The following MAPK4 variants were observed in gnomAD, a reference collection of about 807,000 sequenced individuals.
The protein encoded by MAPK4 is mitogen-activated protein kinase 4.
A neutral mutation model predicts 47.7 loss-of-function variants in MAPK4; 22 were observed. That is an observed-to-expected ratio of 0.46 (90% CI 0.33 to 0.66). The LOEUF (loss-of-function observed/expected upper bound fraction) is 0.66, where lower values mean the gene tolerates loss of function less well. Among genes scored for constraint, MAPK4 ranks in the 30% least tolerant of loss-of-function variants. The pLI is 0.02. For synonymous variants in MAPK4, 390 were observed against 365.7 expected, an observed-to-expected ratio of 1.07 and a Z score of -0.76; for missense variants, 736 against 831.7, an observed-to-expected ratio of 0.88 and a Z score of 1.42.
intron 1 of MAPK4, among the ~76,000 whole-genome samples, chr18:50,613,678 A>G (rs538135385): frequency 6.6e-6 from 1 of 152,338 alleles, no homozygotes; most frequent in African/African-American, 2.4e-5. Context: ...TCTCAAAACA[A>G]TCCTTGTGTG....
intron 2 of MAPK4, among the ~76,000 whole-genome samples, chr18:50,685,882 C>T (rs1316405818): frequency 6.6e-6 from 1 of 151,304 alleles, no homozygotes; most frequent in Non-Finnish European, 1.5e-5. Context: ...TGGCACTGAT[C>T]TGCTGCCTTC....
intron 1 of MAPK4, among the ~76,000 whole-genome samples, chr18:50,585,024 G>A (rs577873329): frequency 2.0e-5 from 3 of 152,278 alleles, no homozygotes; most frequent in East Asian, 3.9e-4. Context: ...GTGTTGGAAA[G>A]GTCATTTTCC....
At chr18:50,671,941 T>C (rs1169151250) in intron 2 of MAPK4, among the ~76,000 whole-genome samples, 4 of 151,314 alleles carry the variant, frequency 2.6e-5, no homozygotes, top group African/African-American at 9.7e-5. Flanking sequence ...CTCCCTCTCC[T>C]GGGCACTCTG....
At chr18:50,611,708 G>A (rs1025012764) in intron 1 of MAPK4, among the ~76,000 whole-genome samples, 5 of 152,172 alleles carry the variant, frequency 3.3e-5, no homozygotes, top group Admixed American at 2.6e-4. Flanking sequence ...TGCAGAGAAA[G>A]ATAAAATGGC....
chr18:50,581,348 A>G (rs185287909), intron 1 of MAPK4, among the ~76,000 whole-genome samples: 1 of 152,092 alleles, frequency 6.6e-6, no homozygotes, highest in Non-Finnish European at 1.5e-5. Flanking sequence ...ATCAGCTTCC[A>G]AGGTCACTCA....
At chr18:50,701,651 C>T (rs920469856) in intron 2 of MAPK4, among the ~76,000 whole-genome samples, 1 of 152,162 alleles carries the variant, frequency 6.6e-6, no homozygotes, top group African/African-American at 2.4e-5. Flanking sequence ...GCCCACCCTA[C>T]AACTCATAAC....
intron 1 of MAPK4, among the ~76,000 whole-genome samples, chr18:50,611,530 TAGA>T (rs1170551610): frequency 6.6e-6 from 1 of 152,220 alleles, no homozygotes; most frequent in African/African-American, 2.4e-5. Context: ...GACCTTTTGC[TAGA>T]AGGTGTCGCT....
chr18:50,596,300 C>T (rs76088066), intron 1 of MAPK4, among the ~76,000 whole-genome samples: 1 of 152,222 alleles, frequency 6.6e-6, no homozygotes, highest in Non-Finnish European at 1.5e-5. Flanking sequence ...GTGCTTCTTC[C>T]GCCTGTGCTA....
intron 1 of MAPK4, among the ~76,000 whole-genome samples, chr18:50,633,481 G>T (rs7242643): frequency 0.37 from 56,214 of 151,964 alleles, 10,707 homozygotes; most frequent in African/African-American, 0.45. Flanking sequence ...AAGTCCTGGC[G>T]CAGAGACTGT....
At chr18:50,695,665 C>A (rs149335353) in intron 2 of MAPK4, among the ~76,000 whole-genome samples, 2 of 152,238 alleles carry the variant, frequency 1.3e-5, no homozygotes, top group African/African-American at 4.8e-5. Context: ...CTAGAGAGAG[C>A]GCCTGGGGAG....
intron 1 of MAPK4, among the ~76,000 whole-genome samples, chr18:50,630,900 C>A (rs1339721294): frequency 6.6e-6 from 1 of 152,188 alleles, no homozygotes; most frequent in Non-Finnish European, 1.5e-5. Flanking sequence ...AGACAGGTAC[C>A]AAATGCCTCT....
At chr18:50,606,479 C>T (rs982298588) in intron 1 of MAPK4, among the ~76,000 whole-genome samples, 6 of 152,282 alleles carry the variant, frequency 3.9e-5, no homozygotes, top group Admixed American at 2.0e-4. Context: ...TGCAAAAATG[C>T]TGCCCTATCT....
chr18:50,654,943 C>A (rs116956533), intron 1 of MAPK4, among the ~76,000 whole-genome samples: 2 of 152,230 alleles, frequency 1.3e-5, no homozygotes, highest in African/African-American at 2.4e-5. Flanking sequence ...AGCCTGAACG[C>A]TCCTGGAGTT....
intron 1 of MAPK4, among the ~76,000 whole-genome samples, chr18:50,620,903 A>G (rs1432787124): frequency 1.3e-5 from 2 of 152,190 alleles, no homozygotes; most frequent in Admixed American, 6.5e-5. Context: ...TTAGATAACT[A>G]TCAACCTAAT....
chr18:50,638,211 G>A (rs1306021580), intron 1 of MAPK4, among the ~76,000 whole-genome samples: 2 of 152,126 alleles, frequency 1.3e-5, no homozygotes, highest in Non-Finnish European at 2.9e-5. Context: ...TATTTCTAGA[G>A]TGGAAAAAAT....
chr18:50,611,612 C>G (rs1338956030), intron 1 of MAPK4, among the ~76,000 whole-genome samples: 43 of 152,220 alleles, frequency 2.8e-4, no homozygotes, highest in Admixed American at 2.7e-3. Flanking sequence ...AGCTGCCCAT[C>G]TCTCTGACAG....
rs755853041 is a variant in MAPK4, at chr18:50,664,204, G to A, written c.246G>A (p.Glu82=). Residue 82 remains glutamate (E), a synonymous_variant, in exon 2 of 6, where the codon GAG becomes GAA. Coordinates refer to ENST00000400384, the MANE Select transcript of MAPK4 (RefSeq NM_002747.4). The surrounding 1 kb of genome is among the most constrained non-coding windows in gnomAD (Gnocchi z 6.0). ...ACGACAACATCGTCAAAGTGTACGA[G>A]GTGCTCGGTCCCAAGGGCACTGACC... ...LDHDNIVKVY[E]VLGPKGTDLQ... is the part of the protein sequence containing the mutation. The A allele has an allele frequency of 1.2e-6, 2 of 1,613,944 alleles. No individual in the cohort carries two copies. Among genetic ancestry groups the A allele is most frequent in the Admixed American group, 1.7e-5 (1 of 59,998 alleles).
At chr18:50,695,332 C>A (rs1246834346) in intron 2 of MAPK4, among the ~76,000 whole-genome samples, 10 of 122,844 alleles carry the variant, frequency 8.1e-5, no homozygotes, top group African/African-American at 3.0e-4. Flanking sequence ...GGTCAAGGCT[C>A]CATCTTAAAA....
chr18:50,576,727 CAA>C (rs1462048907), intron 1 of MAPK4, among the ~76,000 whole-genome samples: 1 of 152,044 alleles, frequency 6.6e-6, no homozygotes, highest in African/African-American at 2.4e-5. Flanking sequence ...AATGAAATAA[CAA>C]AGTGTCAGGT....
Sources: gnomAD v4.1 joint callset for allele counts (sites outside exome capture counted in the v4.1 genomes callset) on GRCh38, gnomAD v4.1.1 for gene constraint, Gnocchi (gnomAD v3.1) non-coding constraint, MANE v1.5 for transcripts, NCBI Gene and HGNC (gene_info 2026-07-23, HGNC 2026-07-21) for gene names.